Variants in TMEM233 observed in about 807,000 individuals in gnomAD.
TMEM233 encodes the protein transmembrane protein 233.
In TMEM233, 6 loss-of-function variants were observed where a neutral mutation model predicts 11.2. That is an observed-to-expected ratio of 0.54 (90% CI 0.29 to 1.06). TMEM233 has a LOEUF of 1.06. Ranked by LOEUF, TMEM233 falls within the 50% of genes least tolerant of loss-of-function variation. The pLI, the probability that TMEM233 is intolerant of heterozygous loss-of-function variation, is 0.08. For synonymous variants in TMEM233, 59 were observed against 55.8 expected (o/e 1.06, Z -0.26); for missense variants, 127 against 144.7 (o/e 0.88, Z 0.63).
intron 1 of TMEM233, among the ~76,000 whole-genome samples, chr12:119,598,780 C>A (rs1638258551): frequency 6.6e-6 from 1 of 152,226 alleles, no homozygotes; most frequent in Non-Finnish European, 1.5e-5. Flanking sequence ...GTGCCTCGAT[C>A]TTTCTGAAGC....
chr12:119,595,147 G>C lies in TMEM233; in HGVS notation c.186+1113G>C, dbSNP rs1264696090. 6.6e-6 allele frequency among the ~76,000 whole-genome samples: 1 copy of C among 152,230 alleles called. No individual in the cohort carries two copies. Among genetic ancestry groups the C allele is most frequent in the Non-Finnish European group, 1.5e-5 (1 of 68,040 alleles). On this transcript the variant is annotated intron_variant, in intron 1 of 2. Transcript: ENST00000426426. The surrounding 1 kb of genome is among the most constrained non-coding windows in gnomAD (Gnocchi z 4.3). ...GAACCCCACCAGGAGGGCGACGAGCGCCTGCTAGGCCCTCGCCTTATTGAC... is the reference window on the plus strand; with the variant it reads ...GAACCCCACCAGGAGGGCGACGAGCCCCTGCTAGGCCCTCGCCTTATTGAC...
Position 119,640,856 on chromosome 12 carries a change from G to GAAAA in TMEM233, c.*165_*168dup, listed in dbSNP as rs56347532. 347 of 393,950 alleles carry GAAAA rather than the reference G, an allele frequency of 8.8e-4. No homozygotes were observed. The highest frequency in any genetic ancestry group is 1.4e-3 in the East Asian group (29 of 21,342). 24.4% of individuals were successfully genotyped at this position (393,950 alleles called of 1,614,324 possible). ...AGGCAGGTCCCTGGCAAATGAACAA[G>GAAAA]AAAAAAAAAAAAAAAAAGTCCAAAA... On this transcript the variant is annotated 3_prime_UTR_variant, in exon 3 of 3. Coordinates refer to ENST00000426426, the MANE Select transcript of TMEM233 (RefSeq NM_001136534.3).
At chr12:119,599,037 A>G (rs1954102906) in intron 1 of TMEM233, among the ~76,000 whole-genome samples, 1 of 152,240 alleles carries the variant, frequency 6.6e-6, no homozygotes, top group Non-Finnish European at 1.5e-5. Context: ...GAATAAAACA[A>G]TGATCAGTAG....
downstream of TMEM233, among the ~76,000 whole-genome samples, chr12:119,646,837 C>A (rs1175542147): frequency 2.0e-5 from 3 of 152,208 alleles, no homozygotes; most frequent in Non-Finnish European, 4.4e-5. Flanking sequence ...TCCCTTAATT[C>A]CTCTTTACCA....
chr12:119,629,490 T>C (rs1954832968), intron 1 of TMEM233, among the ~76,000 whole-genome samples: 2 of 152,088 alleles, frequency 1.3e-5, no homozygotes, highest in African/African-American at 4.8e-5. Flanking sequence ...AGACAAAATC[T>C]TGTTACGTAA....
At chr12:119,596,104 C>T (rs1954041988) in intron 1 of TMEM233, among the ~76,000 whole-genome samples, 1 of 152,206 alleles carries the variant, frequency 6.6e-6, no homozygotes. Context: ...CCAATTTCCT[C>T]CCTTCCTTCC....
the TMEM233 span, among the ~76,000 whole-genome samples, chr12:119,651,825 C>CAAAAAAAAAAAAAAAAAAAAAAAAAAAA: frequency 1.3e-5 from 1 of 79,420 alleles, no homozygotes. Flanking sequence ...GACTCCGTCT[C>CAAAAAAAAAAAAAAAAAAAAAAAAAAAA]AAAAAAAAAA....
chr12:119,654,241 G>A, the TMEM233 span, among the ~76,000 whole-genome samples: 1 of 152,100 alleles, frequency 6.6e-6, no homozygotes, highest in Non-Finnish European at 1.5e-5. Context: ...AAGCTCTAGT[G>A]AAAATATTCT....
intron 1 of TMEM233, among the ~76,000 whole-genome samples, chr12:119,596,487 C>CTTTTTTT (rs34129084): frequency 2.3e-4 from 21 of 90,378 alleles, no homozygotes; most frequent in Non-Finnish European, 2.8e-4. Flanking sequence ...AAGTTTGTAT[C>CTTTTTTT]TTTTTTTTTT....
At chr12:119,647,989 C>T (rs1955177281), downstream of TMEM233, among the ~76,000 whole-genome samples, 1 of 152,176 alleles carries the variant, frequency 6.6e-6, no homozygotes, top group Non-Finnish European at 1.5e-5. Flanking sequence ...TGCAGCCACA[C>T]ACTGGCCCCA....
At chr12:119,636,394 A>T (rs1354477576) in intron 2 of TMEM233, among the ~76,000 whole-genome samples, 1 of 152,172 alleles carries the variant, frequency 6.6e-6, no homozygotes, top group East Asian at 1.9e-4. Flanking sequence ...ATAGCACAAC[A>T]TCACACCTAA....
At chr12:119,614,943 T>TCTCTCTC (rs757458174) in intron 1 of TMEM233, among the ~76,000 whole-genome samples, 2 of 151,794 alleles carry the variant, frequency 1.3e-5, no homozygotes, top group African/African-American at 4.8e-5. Flanking sequence ...CCTTATCTCA[T>TCTCTCTC]CTCTCTCCTC....
At chr12:119,614,139 A>G (rs1954471748) in intron 1 of TMEM233, among the ~76,000 whole-genome samples, 1 of 151,950 alleles carries the variant, frequency 6.6e-6, no homozygotes, top group African/African-American at 2.4e-5. Context: ...CCATCTACCC[A>G]CCAGTAATCC....
At chr12:119,629,919 G>T (rs145659218) in intron 2 of TMEM233, 47 bp downstream of exon 2, 3 of 1,531,604 alleles carry the variant, frequency 2.0e-6, no homozygotes, top group East Asian at 2.5e-5. Flanking sequence ...GCCCTTTCTC[G>T]AACGCCCGTT....
chr12:119,625,560 G>A (rs528891336), intron 1 of TMEM233, among the ~76,000 whole-genome samples: 1 of 152,078 alleles, frequency 6.6e-6, no homozygotes, highest in Non-Finnish European at 1.5e-5. Context: ...TCTTCTTTGG[G>A]CTACAGCACA....
intron 1 of TMEM233, 34 bp from the exon 2 acceptor site, chr12:119,629,702 C>G: frequency 6.5e-7 from 1 of 1,533,436 alleles, no homozygotes; most frequent in Non-Finnish European, 8.8e-7. Context: ...TGTGGGTTAT[C>G]TGTCATCACC....
chr12:119,606,177 G>A (rs1481887087), intron 1 of TMEM233, among the ~76,000 whole-genome samples: 1 of 152,172 alleles, frequency 6.6e-6, no homozygotes, highest in African/African-American at 2.4e-5. Context: ...CTATCTAGGA[G>A]TTTGGAATTT....
rs890838443 is a variant in TMEM233 at position 119,642,105 on chromosome 12, A to G, written c.*1400A>G. ...ACACACCAGATAAGTATATGTGGCA[A>G]AAGTCACTTCAAAGAATTAATGTCA... On this transcript the variant is annotated 3_prime_UTR_variant, in exon 3 of 3. Transcript: ENST00000426426. The G allele has an allele frequency of 2.0e-5, 3 of 152,256 alleles. No individual in the cohort carries two copies. Among genetic ancestry groups the G allele is most frequent in the Non-Finnish European group, 4.4e-5 (3 of 68,048 alleles). The allele number at this position is 152,256 out of a possible 1,614,324, so 9.4% of individuals were successfully genotyped here.
chr12:119,606,929 G>A (rs889882515), intron 1 of TMEM233, among the ~76,000 whole-genome samples: 1 of 152,200 alleles, frequency 6.6e-6, no homozygotes, highest in African/African-American at 2.4e-5. Context: ...AGTTAGGATA[G>A]TGCTTTTGAA....
Sources: gnomAD v4.1 joint callset for allele counts (sites outside exome capture counted in the v4.1 genomes callset) on GRCh38, gnomAD v4.1.1 for gene constraint, Gnocchi (gnomAD v3.1) non-coding constraint, MANE v1.5 for transcripts, NCBI Gene and HGNC (gene_info 2026-07-23, HGNC 2026-07-21) for gene names.